N4BP2: variants seen among roughly 807,000 people sequenced by gnomAD.
The protein encoded by N4BP2 is NEDD4-binding protein 2.
Under a neutral mutation model 152.8 loss-of-function variants are expected in N4BP2, and 91 were observed. That is an observed-to-expected ratio of 0.60 (90% CI 0.50 to 0.71). N4BP2 has a LOEUF of 0.71. Ranked by LOEUF, N4BP2 falls within the 30% of genes least tolerant of loss-of-function variation. N4BP2 has a pLI of 0.00. For synonymous variants in N4BP2, 646 were observed against 705.3 expected (o/e 0.92, Z 1.33); for missense variants, 1,923 against 2,059.1 (o/e 0.93, Z 1.28).
intron 4 of N4BP2, among the ~76,000 whole-genome samples, chr4:40,103,629 T>G (rs1715924542): frequency 6.6e-6 from 1 of 152,056 alleles, no homozygotes; most frequent in Non-Finnish European, 1.5e-5. Flanking sequence ...GATTATAGAG[T>G]GTTGTTAAAT....
At chr4:40,123,793 T>A (rs2110001887) in intron 10 of N4BP2, among the ~76,000 whole-genome samples, 1 of 152,220 alleles carries the variant, frequency 6.6e-6, no homozygotes, top group African/African-American at 2.4e-5. Flanking sequence ...CCTGTTTTTT[T>A]TTTAAGAAAA....
chr4:40,122,037 T>A lies in N4BP2; in HGVS notation c.3926T>A (p.Leu1309His). 1 of 1,545,706 alleles carries A rather than the reference T, an allele frequency of 6.5e-7. No individual in the cohort carries two copies. Among genetic ancestry groups the A allele is most frequent in the South Asian group, 1.2e-5 (1 of 82,440 alleles). ...GAAGAAATTTATTTTACTGATTCTCTTGAAATAAAGAGAAATGAAAATTTT... is the reference window on the plus strand; with the variant it reads ...GAAGAAATTTATTTTACTGATTCTCATGAAATAAAGAGAAATGAAAATTTT... ...LNEEIYFTDSLEIKRNENFPK... is the reference protein window; with the variant it reads ...LNEEIYFTDSHEIKRNENFPK... The change falls in exon 9 of 18, where the codon CTT becomes CAT. Residue 1309 changes from leucine to histidine, a missense_variant. Transcript: ENST00000261435.
chr4:40,150,697 C>T (rs1349180478), intron 16 of N4BP2, among the ~76,000 whole-genome samples: 1 of 148,770 alleles, frequency 6.7e-6, no homozygotes, highest in Non-Finnish European at 1.5e-5. Flanking sequence ...AAGAGGAAGT[C>T]TAGGATAAAT....
At position 40,143,107 on chromosome 4, in the gene N4BP2, G is replaced by A. The variant is rs143053355; in HGVS notation, c.4974+246G>A. On this transcript the variant is annotated intron_variant, in intron 15 of 17. Transcript: ENST00000261435. ...GCATTTACTGCTTATGTGAATTACA[G>A]TTTATTCTGACAGTCCATATTTCTG... 4.4e-3 allele frequency among the ~76,000 whole-genome samples: 669 copies of A among 152,236 alleles called. 4 individuals carry two copies. Among genetic ancestry groups the A allele is most frequent in the African/African-American group, 0.015 (630 of 41,548 alleles).
rs149053384 is a variant in N4BP2 at position 40,154,343 on chromosome 4, A to G, written c.*106A>G. 9.3e-4 allele frequency: 599 copies of G among 642,876 alleles called. 7 individuals are homozygous for G. In the African/African-American group the frequency reaches 0.01, roughly 11 times the overall value. The allele number at this position is 642,876 out of a possible 1,614,324, so 39.8% of individuals were successfully genotyped here. On this transcript the variant is annotated 3_prime_UTR_variant, in exon 18 of 18. Coordinates refer to ENST00000261435, the MANE Select transcript of N4BP2 (RefSeq NM_018177.6). ...CTAAAGATGTGTTTTATTATAAATAATATTCAATTATGAAACAAAAAAATT... is the reference window on the plus strand; with the variant it reads ...CTAAAGATGTGTTTTATTATAAATAGTATTCAATTATGAAACAAAAAAATT...
chr4:40,180,447 C>T, the N4BP2 span, among the ~76,000 whole-genome samples: 1 of 152,118 alleles, frequency 6.6e-6, no homozygotes, highest in Non-Finnish European at 1.5e-5. Flanking sequence ...GTTAGTCACT[C>T]TCATACATCA....
intron 13 of N4BP2, among the ~76,000 whole-genome samples, chr4:40,133,080 C>T (rs1000146222): frequency 6.6e-6 from 1 of 151,974 alleles, no homozygotes; most frequent in African/African-American, 2.4e-5. Flanking sequence ...GGGCTTGTAC[C>T]TTCTCAGAGA....
At chr4:40,145,862 A>G (rs1027102472) in intron 16 of N4BP2, among the ~76,000 whole-genome samples, 1 of 152,132 alleles carries the variant, frequency 6.6e-6, no homozygotes, top group African/African-American at 2.4e-5. Context: ...TAGCATTGTG[A>G]TAAGAAAATA....
intron 6 of N4BP2, among the ~76,000 whole-genome samples, chr4:40,112,553 T>G (rs907575765): frequency 3.9e-5 from 6 of 152,208 alleles, no homozygotes; most frequent in African/African-American, 1.4e-4. Context: ...TAAATTTCTT[T>G]TGAAATTTTG....
chr4:40,140,634 C>A (rs1719833298), intron 14 of N4BP2, among the ~76,000 whole-genome samples: 1 of 151,126 alleles, frequency 6.6e-6, no homozygotes, highest in Non-Finnish European at 1.5e-5. Context: ...GTGTTTCTCA[C>A]AGAGGGGGAT....
intron 14 of N4BP2, among the ~76,000 whole-genome samples, chr4:40,138,081 C>G (rs1453987762): frequency 6.6e-6 from 1 of 152,136 alleles, no homozygotes; most frequent in African/African-American, 2.4e-5. Flanking sequence ...TCTCTAGTGT[C>G]ATGAAGGCTG....
intron 14 of N4BP2, among the ~76,000 whole-genome samples, chr4:40,139,685 G>T (rs1719727837): frequency 1.3e-5 from 2 of 151,540 alleles, no homozygotes; most frequent in East Asian, 1.9e-4. Context: ...TAGAGACGGG[G>T]TTTCACTGTC....
the N4BP2 span, among the ~76,000 whole-genome samples, chr4:40,163,304 C>T: frequency 0.016 from 2,490 of 152,294 alleles, 74 homozygotes; most frequent in African/African-American, 0.057. Flanking sequence ...ACATGGCCGA[C>T]ATTGTTGTCT....
intron 16 of N4BP2, among the ~76,000 whole-genome samples, chr4:40,150,656 G>A (rs1171867178): frequency 7.2e-6 from 1 of 139,604 alleles, no homozygotes; most frequent in African/African-American, 2.7e-5. Context: ...GGGCAACAGA[G>A]TGAGACTCTG....
At chr4:40,147,109 GACTCTTAACGA>G (rs1441949386) in intron 16 of N4BP2, among the ~76,000 whole-genome samples, 10 of 149,970 alleles carry the variant, frequency 6.7e-5, no homozygotes, top group African/African-American at 2.2e-4. Flanking sequence ...GATTGGTGAT[GACTCTTAACGA>G]GCATGCTGCC....
chr4:40,142,127 G>A, intron 14 of N4BP2: 1 of 161,892 alleles, frequency 6.2e-6, no homozygotes, highest in South Asian at 1.5e-4. Context: ...GAGACCATAG[G>A]GAGAGGGGGA....
chr4:40,144,427 A>G (rs548392159), intron 15 of N4BP2, among the ~76,000 whole-genome samples: 1 of 152,374 alleles, frequency 6.6e-6, no homozygotes, highest in African/African-American at 2.4e-5. Context: ...AGAATGACTC[A>G]GTAGTTTAAG....
At chr4:40,064,078 G>GA (rs1258774037) in intron 1 of N4BP2, among the ~76,000 whole-genome samples, 10 of 152,060 alleles carry the variant, frequency 6.6e-5, no homozygotes, top group Non-Finnish European at 1.5e-5. Context: ...GACCACATGT[G>GA]AACCACTATG....
intron 13 of N4BP2, among the ~76,000 whole-genome samples, chr4:40,133,713 A>G (rs1307580328): frequency 6.6e-6 from 1 of 152,242 alleles, no homozygotes; most frequent in Admixed American, 6.5e-5. Context: ...CTCATTATGT[A>G]TATACAGATA....
Sources: gnomAD v4.1 joint callset for allele counts (sites outside exome capture counted in the v4.1 genomes callset) on GRCh38, gnomAD v4.1.1 for gene constraint, MANE v1.5 for transcripts, NCBI Gene and HGNC (gene_info 2026-07-23, HGNC 2026-07-21) for gene names.